The following PARD3B variants were observed in gnomAD, a reference collection of about 807,000 sequenced individuals.
PARD3B encodes the protein partitioning defective 3 homolog B.
PARD3B carries 103 observed loss-of-function variants against 130.2 expected under a neutral mutation model. The ratio of observed to expected loss-of-function variants is 0.79; its 90% confidence interval spans 0.67 to 0.93. The LOEUF (loss-of-function observed/expected upper bound fraction) is 0.93. PARD3B is among the 40% of genes least tolerant of loss of function. PARD3B has a pLI of 0.00. For synonymous variants in PARD3B, 583 were observed against 553.2 expected, an observed-to-expected ratio of 1.05 and a Z score of -0.76; for missense variants, 1,609 against 1,499.2, an observed-to-expected ratio of 1.07 and a Z score of -1.21.
chr2:204,880,996 G>C (rs2046025032), intron 2 of PARD3B, among the ~76,000 whole-genome samples: 1 of 152,132 alleles, frequency 6.6e-6, no homozygotes. Context: ...AAGATCACTA[G>C]AATTACCTGT....
intron 1 of PARD3B, among the ~76,000 whole-genome samples, chr2:204,617,297 T>A (rs1343923711): frequency 6.6e-6 from 1 of 152,226 alleles, no homozygotes; most frequent in Non-Finnish European, 1.5e-5. Flanking sequence ...TCCTTTAGCC[T>A]GTGACTGTAG....
At chr2:204,809,941 A>G (rs1364971829) in intron 2 of PARD3B, among the ~76,000 whole-genome samples, 2 of 151,992 alleles carry the variant, frequency 1.3e-5, no homozygotes. Context: ...GTCTTATTGT[A>G]GAGATCTTTC....
intron 18 of PARD3B, among the ~76,000 whole-genome samples, chr2:205,368,897 C>T (rs2044709048): frequency 6.6e-6 from 1 of 151,760 alleles, no homozygotes; most frequent in Non-Finnish European, 1.5e-5. Flanking sequence ...TTGAAGAGCT[C>T]TCGTAACTCT....
chr2:204,825,177 G>A (rs1023424777), intron 2 of PARD3B, among the ~76,000 whole-genome samples: 7 of 152,186 alleles, frequency 4.6e-5, no homozygotes, highest in South Asian at 4.1e-4. Context: ...TTATCTGTTC[G>A]TGTAGTCAGT....
chr2:205,210,316 A>G (rs1480780578), intron 15 of PARD3B, among the ~76,000 whole-genome samples: 3 of 152,020 alleles, frequency 2.0e-5, no homozygotes, highest in Non-Finnish European at 4.4e-5. Context: ...CTTATATTCT[A>G]ATTTTTCTCA....
At chr2:204,777,577 C>T (rs957815523) in intron 2 of PARD3B, among the ~76,000 whole-genome samples, 5 of 152,022 alleles carry the variant, frequency 3.3e-5, no homozygotes, top group African/African-American at 1.2e-4. Flanking sequence ...AGACTGGCCT[C>T]AGCAACATAG....
intron 2 of PARD3B, among the ~76,000 whole-genome samples, chr2:204,720,708 A>T (rs940462704): frequency 6.6e-6 from 1 of 152,168 alleles, no homozygotes; most frequent in African/African-American, 2.4e-5. Flanking sequence ...TTGGTGTAAG[A>T]ACCTTAGTTG....
At chr2:205,586,468 G>A (rs898990802) in intron 22 of PARD3B, among the ~76,000 whole-genome samples, 4 of 152,108 alleles carry the variant, frequency 2.6e-5, no homozygotes, top group African/African-American at 4.8e-5. Context: ...GAGATTACTG[G>A]AGAATATTCT....
rs1016711941 is a variant in PARD3B, at chr2:204,967,586, A to G, written c.394+2263A>G. ...GCAGGAGAAATTTGGGCAAGGATGA[A>G]TGACGTAAAAAAATCATCCCTTACC... On this transcript the variant is annotated intron_variant, in intron 3 of 22. Coordinates refer to ENST00000406610, the MANE Select transcript of PARD3B (RefSeq NM_001302769.2). This position sits in a 1 kb window ranked among gnomAD's most constrained non-coding sequence, Gnocchi z 4.4. Among the ~76,000 whole-genome samples, 1 of 152,206 alleles carries G rather than the reference A, an allele frequency of 6.6e-6. No individual in the cohort carries two copies. Among genetic ancestry groups the G allele is most frequent in the Non-Finnish European group, 1.5e-5 (1 of 68,032 alleles).
chr2:204,763,491 T>C (rs1189002269), intron 2 of PARD3B, among the ~76,000 whole-genome samples: 1 of 152,164 alleles, frequency 6.6e-6, no homozygotes, highest in Non-Finnish European at 1.5e-5. Context: ...GTAATTTTTT[T>C]CCGAAGAGCT....
At chr2:204,651,559 G>A (rs1160709465) in intron 1 of PARD3B, among the ~76,000 whole-genome samples, 2 of 152,230 alleles carry the variant, frequency 1.3e-5, no homozygotes, top group Non-Finnish European at 2.9e-5. Flanking sequence ...TGTGTTGAGT[G>A]TCTGTGACTT....
At chr2:205,302,351 A>C (rs1389465110) in intron 18 of PARD3B, among the ~76,000 whole-genome samples, 1 of 151,186 alleles carries the variant, frequency 6.6e-6, no homozygotes, top group African/African-American at 2.4e-5. Flanking sequence ...GGTTTCAGGC[A>C]GGAGACCCTA....
chr2:205,480,205 G>A (rs2049180959), intron 20 of PARD3B, among the ~76,000 whole-genome samples: 1 of 152,082 alleles, frequency 6.6e-6, no homozygotes, highest in Non-Finnish European at 1.5e-5. Context: ...GTGCCCGGCT[G>A]TGTACTTTCT....
intron 15 of PARD3B, among the ~76,000 whole-genome samples, chr2:205,205,951 C>T (rs1234898288): frequency 1.8e-4 from 28 of 152,160 alleles, no homozygotes; most frequent in Non-Finnish European, 3.5e-4. Context: ...CAGGATGATG[C>T]TGGCCTCATA....
intron 2 of PARD3B, among the ~76,000 whole-genome samples, chr2:204,795,976 G>A (rs956339430): frequency 6.6e-6 from 1 of 152,056 alleles, no homozygotes; most frequent in African/African-American, 2.4e-5. Flanking sequence ...ATTGAGATTT[G>A]TTTCCTAATC....
chr2:204,870,540 G>C (rs984458246), intron 2 of PARD3B, among the ~76,000 whole-genome samples: 1 of 152,138 alleles, frequency 6.6e-6, no homozygotes, highest in East Asian at 1.9e-4. Flanking sequence ...TGAAATGCTC[G>C]GGGTAAGCGT....
At chr2:204,978,816 TA>T (rs1692410881) in intron 3 of PARD3B, among the ~76,000 whole-genome samples, 1 of 151,714 alleles carries the variant, frequency 6.6e-6, no homozygotes, top group African/African-American at 2.4e-5. Context: ...ATAAAAATAT[TA>T]GCCAGGCATG....
chr2:205,057,756 T>TATAC, intron 4 of PARD3B, among the ~76,000 whole-genome samples: 1 of 150,332 alleles, frequency 6.7e-6, no homozygotes, highest in South Asian at 2.1e-4. Flanking sequence ...TATGTATGTG[T>TATAC]GTATATATAC....
At chr2:204,984,991 C>T (rs1693009459) in intron 3 of PARD3B, among the ~76,000 whole-genome samples, 1 of 151,622 alleles carries the variant, frequency 6.6e-6, no homozygotes, top group Admixed American at 6.6e-5. Context: ...ACAGCCCCAG[C>T]TCTCACAAAA....
Sources: allele counts gnomAD v4.1 joint callset (sites outside exome capture counted in the v4.1 genomes callset), GRCh38; gene constraint gnomAD v4.1.1; non-coding constraint Gnocchi (gnomAD v3.1); transcripts MANE v1.5; gene names NCBI Gene and HGNC (gene_info 2026-07-23, HGNC 2026-07-21).